Variants in LY6K observed in about 807,000 individuals in gnomAD.
The protein encoded by LY6K is lymphocyte antigen 6 family member K.
LY6K carries 9 observed loss-of-function variants against 10.4 expected under a neutral mutation model. The ratio of observed to expected loss-of-function variants is 0.87; its 90% CI spans 0.52 to 1.52. The LOEUF is 1.52. Among genes scored for constraint, LY6K ranks in the 40% most tolerant of loss-of-function variants. The pLI, the probability that LY6K is intolerant of heterozygous loss-of-function variation, is 0.00. For synonymous variants in LY6K, 98 were observed against 83.7 expected, an observed-to-expected ratio of 1.17 and a Z score of -0.94; for missense variants, 217 against 211.7, an observed-to-expected ratio of 1.02 and a Z score of -0.15.
intron 1 of LY6K, among the ~76,000 whole-genome samples, 165 bp downstream of exon 1, chr8:142,700,795 A>AC (rs1239208090): frequency 6.6e-6 from 1 of 151,908 alleles, no homozygotes; most frequent in Non-Finnish European, 1.5e-5. Flanking sequence ...TGCGGCTTCC[A>AC]CCAGGGCGGC....
chr8:142,702,852 A>G, intron 2 of LY6K: 1 of 1,535,302 alleles, frequency 6.5e-7, no homozygotes, highest in Non-Finnish European at 8.8e-7. Flanking sequence ...AGCAACCCCT[A>G]GACCCGCATT....
rs1391136001 is a variant in LY6K, at chr8:142,703,198, C to T, written c.325C>T (p.Pro109Ser). 6.2e-7 allele frequency: 1 copy of T among 1,614,244 alleles called. No homozygotes were observed. Among genetic ancestry groups the T allele is most frequent in the Non-Finnish European group, 8.5e-7 (1 of 1,180,044 alleles). ...EKRFLLEEPM[P>S]FFYLKCCKIR... ...GCGGTTTCTCCTGGAAGAGCCCATG[C>T]CCTTCTTTTACCTCAAGTGTTGTAA... The change falls in exon 3 of 3, where the codon CCC becomes TCC. Residue 109 changes from proline (P) to serine (S), a missense_variant. Transcript: ENST00000292430.
At position 142,703,283 on chromosome 8, in the gene LY6K, C is replaced by G; in HGVS notation, c.410C>G (p.Ala137Gly). ...AACTCATCAGTGTTCAAAGAATATG[C>G]TGGGAGCATGGGTGAGAGCTGTGGT... ...PINSSVFKEY[A>G]GSMGESCGGL... Residue 137 changes from alanine to glycine, a missense_variant, in exon 3 of 3, where the codon GCT becomes GGT. Ala to Gly is a moderately conservative substitution (Grantham distance 60, BLOSUM62 0). Transcript: ENST00000292430. 1 of 1,614,068 alleles carries G rather than the reference C, an allele frequency of 6.2e-7. No homozygotes were observed. Among genetic ancestry groups the G allele is most frequent in the Non-Finnish European group, 8.5e-7 (1 of 1,180,038 alleles).
At chr8:142,701,164 C>A (rs1815013331) in intron 1 of LY6K, among the ~76,000 whole-genome samples, 1 of 151,874 alleles carries the variant, frequency 6.6e-6, no homozygotes. Flanking sequence ...GGTCAGGGTG[C>A]TGCGGCCGAG....
In LY6K at chr8:142,703,121, A is replaced by G; in HGVS notation, c.248A>G (p.Lys83Arg). Residue 83 changes from lysine to arginine, a missense_variant, in exon 3 of 3, where the codon AAG (lysine) becomes AGG (arginine). Physicochemically the swap from Lys to Arg is conservative, Grantham distance 26 (BLOSUM62 2). Transcript: ENST00000292430. ...KIFPRFFMVA[K>R]QCSAGCAAME... Reference sequence around the variant, plus strand: ...TTTCCACGTTTTTTCATGGTTGCGAAGCAGTGCTCCGCTGGTTGTGCAGCG... The same window carrying G: ...TTTCCACGTTTTTTCATGGTTGCGAGGCAGTGCTCCGCTGGTTGTGCAGCG... The G allele has an allele frequency of 6.2e-7, 1 of 1,614,136 alleles. No homozygotes were observed.
rs1815130124 is a variant in LY6K, at chr8:142,703,635, T to C, written c.*264T>C. The C allele has an allele frequency of 2.1e-6, 1 of 480,410 alleles. No individual in the cohort carries two copies. The highest frequency in any genetic ancestry group is 3.7e-6 in the Non-Finnish European group (1 of 269,952). 29.8% of individuals were successfully genotyped at this position (480,410 alleles called of 1,614,324 possible). A position where few individuals can be genotyped will look rare whatever the true frequency, so the allele number is the denominator to read the frequency against. On this transcript the variant is annotated 3_prime_UTR_variant, in exon 3 of 3. Transcript: ENST00000292430. ...GAAATCAAACCTTGTAACTCATTTA[T>C]TGCTGATGGCCACTCTTTTCCTTGA...
At position 142,703,745 on chromosome 8, in the gene LY6K, C is replaced by A. The variant is rs879967328; in HGVS notation, c.*374C>A. On this transcript the variant is annotated 3_prime_UTR_variant, in exon 3 of 3. Coordinates refer to ENST00000292430, the MANE Select transcript of LY6K (RefSeq NM_017527.4). Reference sequence around the variant, plus strand: ...TGGAGAGTATGTGCTGAGATGCTTCCGACCTTTCAGGTGACGCAGGAACAC... The same window carrying A: ...TGGAGAGTATGTGCTGAGATGCTTCAGACCTTTCAGGTGACGCAGGAACAC... 4.8e-6 allele frequency: 1 copy of A among 209,936 alleles called. No individual in the cohort carries two copies. The highest frequency in any genetic ancestry group is 1.1e-4 in the East Asian group (1 of 9,034). The allele number at this position is 209,936 out of a possible 1,614,324, so 13.0% of individuals were successfully genotyped here.
Position 142,701,713 on chromosome 8 carries a change from A to T in LY6K, c.217A>T (p.Lys73Ter). Reference protein sequence around the residue: ...TEPYCVIAAVKIFPRFFMVAK... With the variant: ...TEPYCVIAAV Reference sequence around the variant, plus strand: ...GCCATACTGCGTTATAGCGGCCGTGAGTGAGTATCTTCGCTCTTGTTGGGG... The same window carrying T: ...GCCATACTGCGTTATAGCGGCCGTGTGTGAGTATCTTCGCTCTTGTTGGGG... The change falls in exon 2 of 3, where the codon AAA becomes TAA. Residue 73 changes from lysine (K) to a stop codon, truncating the protein, a stop_gained and splice_region_variant. Coordinates refer to ENST00000292430, the MANE Select transcript of LY6K (RefSeq NM_017527.4). LOFTEE classifies it low-confidence loss of function (END_TRUNC). 1.2e-6 allele frequency: 2 copies of T among 1,604,682 alleles called. No individual in the cohort carries two copies. Among genetic ancestry groups the T allele is most frequent in the Non-Finnish European group, 1.7e-6 (2 of 1,172,496 alleles).
Position 142,703,304 on chromosome 8 carries a change from G to A in LY6K, c.431G>A (p.Cys144Tyr). The stretch of plus-strand genomic sequence containing the variant: ...TATGCTGGGAGCATGGGTGAGAGCT[G>A]TGGTGGGCTGTGGCTGGCCATCCTC... ...KEYAGSMGES[C>Y]GGLWLAILLL... The change falls in exon 3 of 3, where the codon TGT (cysteine) becomes TAT (tyrosine). Residue 144 changes from cysteine (C) to tyrosine (Y), a missense_variant. Transcript: ENST00000292430. 2 of 1,613,624 alleles carry A rather than the reference G, an allele frequency of 1.2e-6. No homozygotes were observed. The highest frequency in any genetic ancestry group is 2.7e-5 in the African/African-American group (2 of 75,036).
Position 142,700,334 on chromosome 8 carries a change from A to C in LY6K, c.-194A>C. 1 of 1,298,254 alleles carries C rather than the reference A, an allele frequency of 7.7e-7. No individual in the cohort carries two copies. The highest frequency in any genetic ancestry group is 9.8e-7 in the Non-Finnish European group (1 of 1,023,796). 80.4% of individuals were successfully genotyped at this position (1,298,254 alleles called of 1,614,324 possible). A position where few individuals can be genotyped will look rare whatever the true frequency, so the allele number is the denominator to read the frequency against. On this transcript the variant is annotated 5_prime_UTR_variant, in exon 1 of 3. Transcript: ENST00000292430. ...CTCAGAACCGGCGTTCAGGGCCGCC[A>C]GCGGCCGCGAGGCCCTGAGATGAGG...
intron 2 of LY6K, 66 bp from the exon 3 acceptor site, chr8:142,703,025 G>A (rs1554640407): frequency 1.5e-5 from 24 of 1,597,208 alleles, no homozygotes; most frequent in Non-Finnish European, 2.1e-5. Context: ...GACCCAGACA[G>A]AAGGGCCTCG....
rs1279923646 is a variant in LY6K, at chr8:142,704,806, G to C, written c.*1435G>C. On this transcript the variant is annotated 3_prime_UTR_variant, in exon 3 of 3. Coordinates refer to ENST00000292430, the MANE Select transcript of LY6K (RefSeq NM_017527.4). The stretch of plus-strand genomic sequence containing the variant: ...TCCGGCTATAATTATATGAAGAAAT[G>C]CTTCAGGATCTTGATTCCACTTGTT... 6.6e-6 allele frequency: 1 copy of C among 152,246 alleles called. No homozygotes were observed. The highest frequency in any genetic ancestry group is 1.5e-5 in the Non-Finnish European group (1 of 68,020). The allele number at this position is 152,246 out of a possible 1,614,324, so 9.4% of individuals were successfully genotyped here. A position where few individuals can be genotyped will look rare whatever the true frequency, so the allele number is the denominator to read the frequency against.
intron 1 of LY6K, among the ~76,000 whole-genome samples, chr8:142,700,947 G>A (rs1330135327): frequency 1.3e-5 from 2 of 151,922 alleles, no homozygotes; most frequent in African/African-American, 4.8e-5. Context: ...CGGGAGGAGG[G>A]CCGGCTCCTC....
chr8:142,703,454 C>CTG lies in LY6K; in HGVS notation c.*85_*86dup. The CTG allele has an allele frequency of 6.7e-7, 1 of 1,492,626 alleles. No homozygotes were observed. Among genetic ancestry groups the CTG allele is most frequent in the Non-Finnish European group, 8.9e-7 (1 of 1,119,986 alleles). The allele number at this position is 1,492,626 out of a possible 1,614,324, so 92.5% of individuals were successfully genotyped here. On this transcript the variant is annotated 3_prime_UTR_variant, in exon 3 of 3. Coordinates refer to ENST00000292430, the MANE Select transcript of LY6K (RefSeq NM_017527.4). Reference sequence around the variant, plus strand: ...TCACCTGTTGCATTAAACTTGTTTTCTGTTGATTACCTCTTGGTTTGACTT... The same window carrying CTG: ...TCACCTGTTGCATTAAACTTGTTTTCTGTGTTGATTACCTCTTGGTTTGACTT...
chr8:142,700,318 G>C lies in LY6K; in HGVS notation c.-210G>C. ...GCAGCACAAGGCGGGACTCAGAACC[G>C]GCGTTCAGGGCCGCCAGCGGCCGCG... On this transcript the variant is annotated 5_prime_UTR_variant, in exon 1 of 3. Transcript: ENST00000292430. 2.3e-6 allele frequency: 3 copies of C among 1,296,732 alleles called. No individual in the cohort carries two copies. Among genetic ancestry groups the C allele is most frequent in the Non-Finnish European group, 2.9e-6 (3 of 1,022,534 alleles). 80.3% of individuals were successfully genotyped at this position (1,296,732 alleles called of 1,614,324 possible). A position where few individuals can be genotyped will look rare whatever the true frequency, so the allele number is the denominator to read the frequency against.
rs782387825 is a variant in LY6K, at chr8:142,703,119, G to A, written c.246G>A (p.Ala82=). 32 of 1,613,776 alleles carry A rather than the reference G, an allele frequency of 2.0e-5. No individual in the cohort carries two copies. The highest frequency in any genetic ancestry group is 5.0e-5 in the Admixed American group (3 of 59,932). Residue 82 remains alanine, a synonymous_variant, in exon 3 of 3, where the codon GCG becomes GCA. Transcript: ENST00000292430. The part of the protein sequence containing the change: ...VKIFPRFFMV[A]KQCSAGCAAM... ...TATTTCCACGTTTTTTCATGGTTGC[G>A]AAGCAGTGCTCCGCTGGTTGTGCAG... is the stretch of plus-strand genomic sequence containing the variant.
chr8:142,700,867 A>C (rs1278197981), intron 1 of LY6K, among the ~76,000 whole-genome samples: 12 of 151,954 alleles, frequency 7.9e-5, no homozygotes, highest in African/African-American at 2.9e-4. Flanking sequence ...CTTCCCCGGG[A>C]GCCCTCAGGC....
rs1815074299 is a variant in LY6K at position 142,702,371 on chromosome 8, C to T, written c.217+658C>T. On this transcript the variant is annotated intron_variant, in intron 2 of 2. Coordinates refer to ENST00000292430, the MANE Select transcript of LY6K (RefSeq NM_017527.4). Reference sequence around the variant, plus strand: ...GGTGTACAGCCTTCAAGTGTGTTCTCAAAGGAGGGTGCATGCCTTAAAAAT... The same window carrying T: ...GGTGTACAGCCTTCAAGTGTGTTCTTAAAGGAGGGTGCATGCCTTAAAAAT... The T allele has an allele frequency of 9.5e-6, 8 of 845,774 alleles. No homozygotes were observed. In the South Asian group the frequency reaches 1.3e-4, roughly 13 times the overall value. The allele number at this position is 845,774 out of a possible 1,614,324, so 52.4% of individuals were successfully genotyped here.
At position 142,703,470 on chromosome 8, in the gene LY6K, G is replaced by A; in HGVS notation, c.*99G>A. On this transcript the variant is annotated 3_prime_UTR_variant, in exon 3 of 3. Coordinates refer to ENST00000292430, the MANE Select transcript of LY6K (RefSeq NM_017527.4). ...ACTTGTTTTCTGTTGATTACCTCTT[G>A]GTTTGACTTCCCAGGGTCTTGGGAT... is the stretch of plus-strand genomic sequence containing the variant. 1 of 1,413,194 alleles carries A rather than the reference G, an allele frequency of 7.1e-7. No homozygotes were observed. Among genetic ancestry groups the A allele is most frequent in the South Asian group, 1.4e-5 (1 of 70,318 alleles). The allele number at this position is 1,413,194 out of a possible 1,614,324, so 87.5% of individuals were successfully genotyped here. A position where few individuals can be genotyped will look rare whatever the true frequency, so the allele number is the denominator to read the frequency against.
Sources: allele counts gnomAD v4.1 joint callset (sites outside exome capture counted in the v4.1 genomes callset), GRCh38; gene constraint gnomAD v4.1.1; transcripts MANE v1.5; gene names NCBI Gene and HGNC (gene_info 2026-07-23, HGNC 2026-07-21).